Variants in DGKZ observed in about 807,000 individuals in gnomAD.
DGKZ encodes diacylglycerol kinase zeta, also known as DAG kinase zeta.
Under a neutral mutation model 142.5 loss-of-function variants are expected in DGKZ, and 45 were observed. The ratio of observed to expected loss-of-function variants is 0.32; its 90% CI spans 0.25 to 0.40. The LOEUF (loss-of-function observed/expected upper bound fraction) is 0.40. DGKZ is among the 10% of genes least tolerant of loss of function. The probability of loss-of-function intolerance (pLI) is 1.00; values close to 1 mark genes in which losing one functional copy is unlikely to be tolerated. For synonymous variants in DGKZ, 442 were observed against 527.0 expected (o/e 0.84, Z 2.21); for missense variants, 755 against 1,306.5 (o/e 0.58, Z 6.51).
Position 46,367,903 on chromosome 11 carries a change from G to T in DGKZ, c.367-99G>T. Reference sequence around the variant, plus strand: ...GGGCTTTGTCCGGATGCCAGGACTGGGGCTTCCCAGTGCACACAAAGGGCA... The same window carrying T: ...GGGCTTTGTCCGGATGCCAGGACTGTGGCTTCCCAGTGCACACAAAGGGCA... On this transcript the variant is annotated intron_variant, in intron 3 of 30. Transcript: ENST00000527911. The surrounding 1 kb of genome is among the most constrained non-coding windows in gnomAD (Gnocchi z 4.1). The T allele has an allele frequency of 6.5e-7, 1 of 1,529,616 alleles. No individual in the cohort carries two copies. Among genetic ancestry groups the T allele is most frequent in the Non-Finnish European group, 9.1e-7 (1 of 1,104,912 alleles). The allele number at this position is 1,529,616 out of a possible 1,614,324, so 94.8% of individuals were successfully genotyped here. A position where few individuals can be genotyped will look rare whatever the true frequency, so the allele number is the denominator to read the frequency against.
At chr11:46,333,415 G>T in exon 1 of DGKZ, 1 of 1,517,034 alleles carries the variant, frequency 6.6e-7, no homozygotes. Flanking sequence ...GAGGGTTCCC[G>T]GGGCACGGCC....
chr11:46,355,253 C>T (rs986270981), intron 1 of DGKZ, among the ~76,000 whole-genome samples: 4 of 152,054 alleles, frequency 2.6e-5, no homozygotes, highest in Non-Finnish European at 4.4e-5. Flanking sequence ...GGACTACAGG[C>T]GCCCGCCACC....
chr11:46,366,624 A>G lies in DGKZ; in HGVS notation c.162-667A>G, dbSNP rs745310499. ...GGCATGAATGAGGAGGAGGGTGTCC[A>G]GGAGGATGTGGTAGCCGAGGCATCG... On this transcript the variant is annotated intron_variant, in intron 1 of 30. Coordinates refer to ENST00000527911, the Ensembl canonical transcript of DGKZ. 1.3e-5 allele frequency: 21 copies of G among 1,607,080 alleles called. No homozygotes were observed. The highest frequency in any genetic ancestry group is 1.7e-5 in the Non-Finnish European group (20 of 1,177,458).
upstream of DGKZ, among the ~76,000 whole-genome samples, chr11:46,347,255 C>A (rs116204748): frequency 2.0e-5 from 3 of 152,076 alleles, no homozygotes; most frequent in Admixed American, 6.5e-5. The surrounding 1 kb of genome is among the most constrained non-coding windows in gnomAD (Gnocchi z 6.4). Flanking sequence ...CCCATCCAGG[C>A]GGGCCGGGCC....
At chr11:46,333,007 C>T (rs1939845903) in exon 1 of DGKZ, 1 of 321,892 alleles carries the variant, frequency 3.1e-6, no homozygotes, top group Non-Finnish European at 5.6e-6. Flanking sequence ...GTCCGGGGGG[C>T]GCCGCGGCGC....
intron 19 of DGKZ, 69 bp downstream of exon 19, chr11:46,375,114 C>T: frequency 7.2e-7 from 1 of 1,386,584 alleles, no homozygotes; most frequent in South Asian, 1.4e-5. Context: ...CCCATACTCA[C>T]CTCCATGGGC....
chr11:46,371,783 C>T lies in DGKZ; in HGVS notation c.831+8C>T. 2 of 1,612,080 alleles carry T rather than the reference C, an allele frequency of 1.2e-6. No individual in the cohort carries two copies. Among genetic ancestry groups the T allele is most frequent in the Non-Finnish European group, 1.7e-6 (2 of 1,179,250 alleles). ...AGCAAGAAAGGGCCTGAGGTCAGCC[C>T]CAGGCTGGGCAGAGGCTGCAGGGGA... On this transcript the variant is annotated splice_region_variant and intron_variant, in intron 9 of 30. Coordinates refer to ENST00000527911, the Ensembl canonical transcript of DGKZ.
In DGKZ at chr11:46,364,825, G is replaced by A. The variant is rs571483498; in HGVS notation, c.162-2466G>A. 8 of 985,394 alleles carry A rather than the reference G, an allele frequency of 8.1e-6. No individual in the cohort carries two copies. In the African/African-American group the frequency reaches 1.4e-4, roughly 17 times the overall value. 61.0% of individuals were successfully genotyped at this position (985,394 alleles called of 1,614,324 possible). ...ATGCCTAATTAATGCCAGCCTTCAG[G>A]GGACCACAGGGCTTCTTCTGTCAGC... On this transcript the variant is annotated intron_variant, in intron 1 of 30. Transcript: ENST00000527911.
At chr11:46,337,418 G>T (rs886813653) in intron 1 of DGKZ, among the ~76,000 whole-genome samples, 1 of 148,200 alleles carries the variant, frequency 6.7e-6, no homozygotes, top group African/African-American at 2.5e-5. Context: ...GCCTCAGCCT[G>T]CCAAGTAGCT....
At chr11:46,359,446 AAAAAT>A (rs1196787514) in intron 1 of DGKZ, among the ~76,000 whole-genome samples, 5 of 152,160 alleles carry the variant, frequency 3.3e-5, no homozygotes, top group East Asian at 1.9e-4. Context: ...ACTCCATCTC[AAAAAT>A]AAAATAAAAT....
chr11:46,344,654 A>G (rs1269574253), upstream of DGKZ, among the ~76,000 whole-genome samples: 1 of 152,050 alleles, frequency 6.6e-6, no homozygotes, highest in East Asian at 1.9e-4. Context: ...GGGTTTCACC[A>G]TGTTGGCCAG....
intron 28 of DGKZ, 26 bp downstream of exon 28, chr11:46,379,137 C>G: frequency 6.2e-7 from 1 of 1,610,844 alleles, no homozygotes; most frequent in East Asian, 2.2e-5. Flanking sequence ...GAGCCCAGGG[C>G]CTGGGGCCAA....
At chr11:46,371,346 G>A (rs1943920456) in exon 7 of DGKZ, 1 of 1,613,812 alleles carries the variant, frequency 6.2e-7, no homozygotes, top group African/African-American at 1.3e-5. Flanking sequence ...CCACAGCAAG[G>A]AGATTGTGGC....
At position 46,368,086 on chromosome 11, in the gene DGKZ, G is replaced by T. The variant is rs1590562321; in HGVS notation, c.444+7G>T. On this transcript the variant is annotated splice_region_variant and intron_variant, in intron 4 of 30. Coordinates refer to ENST00000527911, the Ensembl canonical transcript of DGKZ. ...CATCGAGCAGCTGGAGAAGGTGGGT[G>T]GGTAGCTCAGCTTTGCCCGCCCCTG... 1.2e-6 allele frequency: 2 copies of T among 1,614,064 alleles called. No individual in the cohort carries two copies. Among genetic ancestry groups the T allele is most frequent in the South Asian group, 2.2e-5 (2 of 91,080 alleles).
chr11:46,377,524 C>T (rs1288897281), intron 25 of DGKZ: 1 of 429,530 alleles, frequency 2.3e-6, no homozygotes, highest in East Asian at 4.0e-5. Context: ...GGCTGCCACG[C>T]CCTGGCCCCC....
upstream of DGKZ, chr11:46,345,732 G>T (rs1940548694): frequency 2.5e-6 from 2 of 798,912 alleles, no homozygotes; most frequent in Non-Finnish European, 3.7e-6. This position sits in a 1 kb window ranked among gnomAD's most constrained non-coding sequence, Gnocchi z 4.1. Flanking sequence ...GGAGTTATTG[G>T]CAGGGTGCAG....
intron 5 of DGKZ, 90 bp from the exon 6 acceptor site, chr11:46,369,851 C>G (rs1298197016): frequency 1.4e-6 from 2 of 1,408,952 alleles, no homozygotes; most frequent in Non-Finnish European, 2.0e-6. Flanking sequence ...GCGCTTCCTG[C>G]AGCCCCGTGT....
intron 1 of DGKZ, chr11:46,338,670 A>C (rs573104023): frequency 1.3e-5 from 2 of 152,112 alleles, no homozygotes; most frequent in Admixed American, 6.6e-5. Context: ...TCCGTGGCAC[A>C]TGCATCCCAC....
Position 46,375,559 on chromosome 11 carries a change from G to T in DGKZ, c.1838G>T (p.Arg613Leu), listed in dbSNP as rs760333704. Residue 613 changes from arginine to leucine, a missense_variant, in exon 20 of 31, where the codon CGC (arginine) becomes CTC (leucine). Arg to Leu is a moderately radical substitution (Grantham distance 102). Transcript: ENST00000527911. ...TGCAAGCTTGCAGCCTCACGCATCC[G>T]CATCGCCCTGCGCAACCAGGCCACC... The T allele has an allele frequency of 2.5e-5, 40 of 1,590,644 alleles. No individual in the cohort carries two copies. The highest frequency in any genetic ancestry group is 3.2e-5 in the Non-Finnish European group (38 of 1,174,400).
Sources: allele counts gnomAD v4.1 joint callset (sites outside exome capture counted in the v4.1 genomes callset), GRCh38; gene constraint gnomAD v4.1.1; non-coding constraint Gnocchi (gnomAD v3.1); transcripts MANE v1.5; gene names NCBI Gene and HGNC (gene_info 2026-07-23, HGNC 2026-07-21).